The following THSD4 variants were observed in gnomAD, a reference collection of about 807,000 sequenced individuals.
THSD4 encodes the protein thrombospondin type 1 domain containing 4, also known as thrombospondin type-1 domain-containing protein 4.
A neutral mutation model predicts 119.0 loss-of-function variants in THSD4; 69 were observed. The ratio of observed to expected loss-of-function variants is 0.58; its 90% CI spans 0.48 to 0.71. The LOEUF is 0.71. Ranked by LOEUF, THSD4 falls within the 30% of genes least tolerant of loss-of-function variation. The pLI, the probability that THSD4 is intolerant of heterozygous loss-of-function variation, is 0.00. For missense variants in THSD4, 1,393 were observed against 1,391.1 expected, an observed-to-expected ratio of 1.00 and a Z score of -0.02; for synonymous variants, 524 against 540.4, an observed-to-expected ratio of 0.97 and a Z score of 0.42.
At chr15:71,704,495 C>G (rs1367336794) in intron 8 of THSD4, among the ~76,000 whole-genome samples, 1 of 152,206 alleles carries the variant, frequency 6.6e-6, no homozygotes, top group Non-Finnish European at 1.5e-5. Flanking sequence ...GACTTTGCTC[C>G]TCCTTCACCT....
rs144650854 is a variant in THSD4, at chr15:71,320,363, G to A, written c.1015+63648G>A. On this transcript the variant is annotated intron_variant, in intron 6 of 17. Coordinates refer to ENST00000261862, the MANE Select transcript of THSD4 (RefSeq NM_024817.3). ...ACCTCAAAGTTATTTGCAATCTTCT[G>A]AACATCTCCATATTACAGCAACTGC... Among the ~76,000 whole-genome samples the A allele has an allele frequency of 2.9e-4, 44 of 152,284 alleles. No homozygotes were observed. The East Asian group carries it at 5.8e-3, about 20-fold the overall frequency.
chr15:71,709,705 TG>T (rs2052469448), intron 8 of THSD4, among the ~76,000 whole-genome samples: 1 of 152,188 alleles, frequency 6.6e-6, no homozygotes, highest in Non-Finnish European at 1.5e-5. Context: ...GAGCACTGGG[TG>T]GACACATGCA....
At chr15:71,722,337 T>C (rs2052738345) in intron 8 of THSD4, among the ~76,000 whole-genome samples, 1 of 152,214 alleles carries the variant, frequency 6.6e-6, no homozygotes, top group Non-Finnish European at 1.5e-5. Context: ...TATTGTATGA[T>C]TCAAGATTAA....
chr15:71,215,280 C>G lies in THSD4; in HGVS notation c.345C>G (p.His115Gln). 6.6e-7 allele frequency: 1 copy of G among 1,520,772 alleles called. No individual in the cohort carries two copies. Among genetic ancestry groups the G allele is most frequent in the East Asian group, 2.6e-5 (1 of 39,026 alleles). 94.2% of individuals were successfully genotyped at this position (1,520,772 alleles called of 1,614,324 possible). ...VSAVRTSVPL[H>Q]RSRDETPALA... ...CGGTGCGCACGTCGGTGCCACTGCA[C>G]CGGAGCCGCGACGAGACGCCAGCGC... is the stretch of plus-strand genomic sequence containing the variant. The change falls in exon 4 of 18, where the codon CAC becomes CAG. Residue 115 changes from histidine to glutamine, a missense_variant. By Grantham distance (24) the His-to-Gln change is conservative (BLOSUM62 0). Transcript: ENST00000261862.
intron 10 of THSD4, among the ~76,000 whole-genome samples, chr15:71,734,398 A>G (rs2053041204): frequency 6.6e-6 from 1 of 152,210 alleles, no homozygotes; most frequent in East Asian, 1.9e-4. Flanking sequence ...GCCACTCTGA[A>G]AAGACTACCT....
intron 6 of THSD4, among the ~76,000 whole-genome samples, chr15:71,330,732 C>G (rs922034172): frequency 6.6e-6 from 1 of 152,170 alleles, no homozygotes; most frequent in Non-Finnish European, 1.5e-5. Context: ...TGCTTTGTTC[C>G]TTCTGATGTA....
chr15:71,377,904 A>ACC (rs57331073), intron 6 of THSD4, among the ~76,000 whole-genome samples: 26,292 of 79,914 alleles, frequency 0.33, 2,918 homozygotes, highest in East Asian at 0.6. Flanking sequence ...ACACACACAC[A>ACC]CACACACACA....
chr15:71,258,468 C>T (rs1341001179), intron 6 of THSD4, among the ~76,000 whole-genome samples: 2 of 152,118 alleles, frequency 1.3e-5, no homozygotes, highest in African/African-American at 2.4e-5. Flanking sequence ...CGTGAGCCAC[C>T]GCACCCAGCC....
intron 5 of THSD4, among the ~76,000 whole-genome samples, chr15:71,253,627 C>T (rs930866926): frequency 6.6e-6 from 1 of 152,030 alleles, no homozygotes; most frequent in Non-Finnish European, 1.5e-5. Context: ...AGGCTGGTCT[C>T]GAAATCCAGA....
chr15:71,700,393 A>G (rs1359768918), intron 8 of THSD4, among the ~76,000 whole-genome samples: 1 of 152,158 alleles, frequency 6.6e-6, no homozygotes, highest in Non-Finnish European at 1.5e-5. Flanking sequence ...TACAAGAACC[A>G]TAGGAAAGAA....
At chr15:71,505,736 T>C (rs1174230865) in intron 7 of THSD4, among the ~76,000 whole-genome samples, 2 of 152,222 alleles carry the variant, frequency 1.3e-5, no homozygotes, top group Non-Finnish European at 2.9e-5. Flanking sequence ...AATACAGTTA[T>C]CTGATCTTGC....
chr15:71,215,444 G>T (rs1311924765), intron 4 of THSD4, 45 bp downstream of exon 4: 9 of 1,472,022 alleles, frequency 6.1e-6, no homozygotes, highest in Admixed American at 4.4e-5. Context: ...CCCTGTCCCA[G>T]TATCTGCCCC....
Position 71,780,655 on chromosome 15 carries a change from G to A in THSD4, c.*3281G>A, listed in dbSNP as rs1055915788. 2.2e-6 allele frequency: 1 copy of A among 456,600 alleles called. No individual in the cohort carries two copies. Among genetic ancestry groups the A allele is most frequent in the African/African-American group, 2.0e-5 (1 of 50,090 alleles). The allele number at this position is 456,600 out of a possible 1,614,324, so 28.3% of individuals were successfully genotyped here. On this transcript the variant is annotated 3_prime_UTR_variant, in exon 18 of 18. Coordinates refer to ENST00000261862, the MANE Select transcript of THSD4 (RefSeq NM_024817.3). ...TGGGGACCCCAGGGAGGGCAAGGCA[G>A]CCTGTCCCCGCCCCCAGGGAACTAG... is the stretch of plus-strand genomic sequence containing the variant.
intron 6 of THSD4, among the ~76,000 whole-genome samples, chr15:71,351,362 G>A (rs1373135972): frequency 1.0e-5 from 1 of 99,202 alleles, no homozygotes; most frequent in African/African-American, 3.0e-5. Flanking sequence ...TGATTGCAAA[G>A]GGAAAAGAAA....
At chr15:71,656,005 C>T (rs2051183415) in intron 7 of THSD4, among the ~76,000 whole-genome samples, 1 of 152,206 alleles carries the variant, frequency 6.6e-6, no homozygotes, top group East Asian at 1.9e-4. Context: ...TTCTGGTTTG[C>T]AGCCCAACAT....
At chr15:71,173,710 C>A (rs760189183) in intron 3 of THSD4, among the ~76,000 whole-genome samples, 4 of 151,692 alleles carry the variant, frequency 2.6e-5, no homozygotes, top group Non-Finnish European at 4.4e-5. Context: ...CCCAAATAGT[C>A]AAGATAATCT....
At chr15:71,477,312 C>T (rs750791090) in intron 7 of THSD4, among the ~76,000 whole-genome samples, 1 of 152,246 alleles carries the variant, frequency 6.6e-6, no homozygotes, top group Non-Finnish European at 1.5e-5. Context: ...TAGTAAAGCT[C>T]CGAGCATATG....
In THSD4 at chr15:71,779,249, A is replaced by C. The variant is rs1254461724; in HGVS notation, c.*1875A>C. 3.3e-5 allele frequency: 5 copies of C among 152,224 alleles called. No homozygotes were observed. The highest frequency in any genetic ancestry group is 7.3e-5 in the Non-Finnish European group (5 of 68,076). The allele number at this position is 152,224 out of a possible 1,614,324, so 9.4% of individuals were successfully genotyped here. ...TCTCTTGGAACTCCTACAGATAAGC[A>C]TCCTGGCAGAGGCCCAGGCTCCCAA... On this transcript the variant is annotated 3_prime_UTR_variant, in exon 18 of 18. Coordinates refer to ENST00000261862, the MANE Select transcript of THSD4 (RefSeq NM_024817.3).
chr15:71,168,805 A>C (rs1360705526), intron 3 of THSD4, among the ~76,000 whole-genome samples: 2 of 152,230 alleles, frequency 1.3e-5, no homozygotes, highest in Non-Finnish European at 2.9e-5. Context: ...TTTAGGCTAC[A>C]TAAAACTCAA....
Sources: allele counts gnomAD v4.1 joint callset (sites outside exome capture counted in the v4.1 genomes callset), GRCh38; gene constraint gnomAD v4.1.1; transcripts MANE v1.5; gene names NCBI Gene and HGNC (gene_info 2026-07-23, HGNC 2026-07-21).